Variants in GRIK4 observed in about 807,000 individuals in gnomAD.
GRIK4 encodes glutamate ionotropic receptor kainate type subunit 4, also known as glutamate receptor ionotropic, kainate 4.
A neutral mutation model predicts 104.9 loss-of-function variants in GRIK4; 40 were observed. That is an observed-to-expected ratio of 0.38 (90% confidence interval 0.30 to 0.50). The LOEUF (loss-of-function observed/expected upper bound fraction) is 0.50, where lower values mean the gene tolerates loss of function less well. GRIK4 is among the 20% of genes least tolerant of loss of function. GRIK4 has a pLI of 0.93. For synonymous variants in GRIK4, 485 were observed against 524.9 expected, an observed-to-expected ratio of 0.92 and a Z score of 1.04; for missense variants, 1,047 against 1,308.1, an observed-to-expected ratio of 0.80 and a Z score of 3.08.
chr11:120,557,996 C>CGACAGA (rs1948203778), intron 1 of GRIK4, among the ~76,000 whole-genome samples: 1 of 122,360 alleles, frequency 8.2e-6, no homozygotes, highest in Admixed American at 1.1e-4. Flanking sequence ...CCAGCCTGGG[C>CGACAGA]GACAGAGCGA....
chr11:120,946,673 T>C (rs537464962), intron 14 of GRIK4, among the ~76,000 whole-genome samples: 1 of 152,276 alleles, frequency 6.6e-6, no homozygotes, highest in South Asian at 2.1e-4. Context: ...GCAGGTAGTA[T>C]GATTCTCATT....
At chr11:120,963,557 G>A (rs1944329478) in intron 18 of GRIK4, among the ~76,000 whole-genome samples, 1 of 152,210 alleles carries the variant, frequency 6.6e-6, no homozygotes, top group Non-Finnish European at 1.5e-5. Flanking sequence ...GGGTGTTCTT[G>A]TACAAGGCAA....
intron 1 of GRIK4, among the ~76,000 whole-genome samples, chr11:120,582,853 T>C (rs867968604): frequency 6.6e-6 from 1 of 152,118 alleles, no homozygotes; most frequent in Non-Finnish European, 1.5e-5. Context: ...GGTAGAAAAA[T>C]GTATATTTCT....
chr11:120,879,637 G>A (rs1954909187), intron 11 of GRIK4, among the ~76,000 whole-genome samples: 1 of 152,192 alleles, frequency 6.6e-6, no homozygotes, highest in Non-Finnish European at 1.5e-5. Context: ...GCTTCTACTG[G>A]AGATTGCAGG....
Position 120,874,369 on chromosome 11 carries a change from G to T in GRIK4, c.1059+151G>T, listed in dbSNP as rs536798500. 202 of 635,054 alleles carry T rather than the reference G, an allele frequency of 3.2e-4. No individual in the cohort carries two copies. The African/African-American group carries it at 3.4e-3, about 11-fold the overall frequency. The allele number at this position is 635,054 out of a possible 1,614,324, so 39.3% of individuals were successfully genotyped here. ...AAATCAGTGATCTCTGGTGACCCCA[G>T]TTGAATGGATCATGAGCCACATTTG... On this transcript the variant is annotated intron_variant, in intron 10 of 20. Transcript: ENST00000527524.
chr11:120,645,196 G>A (rs1460729257), intron 1 of GRIK4, among the ~76,000 whole-genome samples: 4 of 152,150 alleles, frequency 2.6e-5, no homozygotes, highest in Non-Finnish European at 5.9e-5. Flanking sequence ...AGAGCAGCGT[G>A]AAGATCTGTT....
intron 1 of GRIK4, among the ~76,000 whole-genome samples, chr11:120,518,525 A>C (rs980915027): frequency 1.3e-5 from 2 of 152,128 alleles, no homozygotes; most frequent in African/African-American, 4.8e-5. Flanking sequence ...CCCAAAGCCC[A>C]GGGTGTTTAA....
At chr11:120,655,633 G>A (rs900975470) in intron 2 of GRIK4, among the ~76,000 whole-genome samples, 2 of 152,226 alleles carry the variant, frequency 1.3e-5, no homozygotes, top group Non-Finnish European at 2.9e-5. Flanking sequence ...CAGAGATCCA[G>A]GTTGTTGCTG....
chr11:120,656,161 T>G (rs992616710), intron 2 of GRIK4, among the ~76,000 whole-genome samples: 1 of 152,248 alleles, frequency 6.6e-6, no homozygotes, highest in East Asian at 1.9e-4. Flanking sequence ...ACTAGATTTA[T>G]CTGAATGTTA....
intron 1 of GRIK4, among the ~76,000 whole-genome samples, chr11:120,540,162 C>T (rs1250124027): frequency 6.6e-6 from 1 of 152,228 alleles, no homozygotes; most frequent in African/African-American, 2.4e-5. Flanking sequence ...GGCAAGCAGC[C>T]AGGTAAGAGG....
chr11:120,882,300 A>G (rs556268275), intron 11 of GRIK4, among the ~76,000 whole-genome samples: 6 of 152,256 alleles, frequency 3.9e-5, no homozygotes, highest in African/African-American at 1.2e-4. Flanking sequence ...TACATTTTCA[A>G]TTTGAGGAAG....
At chr11:120,730,528 C>T (rs12295142) in intron 3 of GRIK4, among the ~76,000 whole-genome samples, 3,224 of 152,144 alleles carry the variant, frequency 0.021, 98 homozygotes, top group African/African-American at 0.065. Context: ...TGTTTTTGCT[C>T]AGGATAACTT....
chr11:120,864,210 TTTA>T (rs1299693717), intron 9 of GRIK4, among the ~76,000 whole-genome samples: 262 of 11,606 alleles, frequency 0.023, 1 homozygote, highest in South Asian at 0.076. Context: ...TTTATTTTTA[TTTA>T]TTTATTTATT....
intron 3 of GRIK4, among the ~76,000 whole-genome samples, chr11:120,705,994 T>G (rs1950623411): frequency 6.6e-6 from 1 of 152,160 alleles, no homozygotes; most frequent in Non-Finnish European, 1.5e-5. Flanking sequence ...TCCAGGACAT[T>G]CCACTCCGGC....
In GRIK4 at chr11:120,729,224, G is replaced by C. The variant is rs568973153; in HGVS notation, c.82+68824G>C. On this transcript the variant is annotated intron_variant, in intron 3 of 20. Coordinates refer to ENST00000527524, the MANE Select transcript of GRIK4 (RefSeq NM_014619.5). ...TGTGAATAGAGTTGCAATAAACATGGGAGTGCAGATATCTCTTTGATACAC... is the reference window on the plus strand; with the variant it reads ...TGTGAATAGAGTTGCAATAAACATGCGAGTGCAGATATCTCTTTGATACAC... 9.8e-5 allele frequency among the ~76,000 whole-genome samples: 15 copies of C among 152,302 alleles called. No individual in the cohort carries two copies. The East Asian group carries it at 2.9e-3, about 29-fold the overall frequency.
chr11:120,753,322 T>C (rs926646941), intron 3 of GRIK4, among the ~76,000 whole-genome samples: 2 of 129,816 alleles, frequency 1.5e-5, no homozygotes, highest in South Asian at 3.0e-4. Context: ...TGTGTGTGTG[T>C]GTGTGTGTGT....
At position 120,949,405 on chromosome 11, in the gene GRIK4, G is replaced by A. The variant is rs148453059; in HGVS notation, c.1591-3450G>A. Among the ~76,000 whole-genome samples the A allele has an allele frequency of 1.9e-3, 292 of 152,270 alleles. 1 individual carries two copies. The highest frequency in any genetic ancestry group is 6.3e-3 in the African/African-American group (260 of 41,554). On this transcript the variant is annotated intron_variant, in intron 14 of 20. Coordinates refer to ENST00000527524, the MANE Select transcript of GRIK4 (RefSeq NM_014619.5). ...TGTTGTCTAATTTTCAATTTCATCC[G>A]CAGAGCTTGACCTGTCTTCAACATT...
At chr11:120,845,958 G>A (rs903087391) in intron 8 of GRIK4, among the ~76,000 whole-genome samples, 5 of 152,224 alleles carry the variant, frequency 3.3e-5, no homozygotes, top group African/African-American at 1.2e-4. Flanking sequence ...TGGCAGGTCT[G>A]GCGGTGACAG....
In GRIK4 at chr11:120,555,318, A is replaced by C. The variant is rs1476196971; in HGVS notation, c.-159+43431A>C. ...CTCTCATTACTGGCTGGTGAACCAG[A>C]AGCCACTGTGAGGCAGCAAGGGCCA... is the stretch of plus-strand genomic sequence containing the variant. On this transcript the variant is annotated intron_variant, in intron 1 of 20. Coordinates refer to ENST00000527524, the MANE Select transcript of GRIK4 (RefSeq NM_014619.5). The surrounding 1 kb of genome is among the most constrained non-coding windows in gnomAD (Gnocchi z 5.3). Among the ~76,000 whole-genome samples the C allele has an allele frequency of 6.6e-6, 1 of 152,204 alleles. No homozygotes were observed. Among genetic ancestry groups the C allele is most frequent in the African/African-American group, 2.4e-5 (1 of 41,460 alleles).
Sources: gnomAD v4.1 joint callset for allele counts (sites outside exome capture counted in the v4.1 genomes callset) on GRCh38, gnomAD v4.1.1 for gene constraint, Gnocchi (gnomAD v3.1) non-coding constraint, MANE v1.5 for transcripts, NCBI Gene and HGNC (gene_info 2026-07-23, HGNC 2026-07-21) for gene names.